The following KCTD3 variants were observed in gnomAD, a reference collection of about 807,000 sequenced individuals.
KCTD3 encodes potassium channel tetramerization domain containing 3.
KCTD3 carries 41 observed loss-of-function variants against 85.8 expected under a neutral mutation model. The observed-to-expected ratio is 0.48, with a 90% CI of 0.37 to 0.62. KCTD3 has a LOEUF of 0.62. Among genes scored for constraint, KCTD3 ranks in the 20% least tolerant of loss-of-function variants. The probability of loss-of-function intolerance (pLI) is 0.00; values close to 1 mark genes in which losing one functional copy is unlikely to be tolerated. For synonymous variants in KCTD3, 338 were observed against 345.4 expected (o/e 0.98, Z 0.24); for missense variants, 724 against 989.9 (o/e 0.73, Z 3.60).
At chr1:215,581,620 T>C (rs1447397235) in intron 8 of KCTD3, among the ~76,000 whole-genome samples, 1 of 152,212 alleles carries the variant, frequency 6.6e-6, no homozygotes, top group Non-Finnish European at 1.5e-5. Flanking sequence ...TTTAACTCAC[T>C]GGGTAATAAT....
chr1:215,570,841 C>G (rs1453191963), intron 1 of KCTD3, among the ~76,000 whole-genome samples: 1 of 152,144 alleles, frequency 6.6e-6, no homozygotes, highest in Admixed American at 6.5e-5. Flanking sequence ...TCTTGGGACA[C>G]TATGGGTATG....
chr1:215,568,050 A>C (rs1374355487), intron 1 of KCTD3, among the ~76,000 whole-genome samples: 3 of 152,224 alleles, frequency 2.0e-5, no homozygotes, highest in African/African-American at 7.2e-5. Context: ...TGCCCCTCCC[A>C]ACAGGCAAGG....
intron 10 of KCTD3, among the ~76,000 whole-genome samples, chr1:215,596,195 A>G (rs1660411025): frequency 6.6e-6 from 1 of 152,170 alleles, no homozygotes; most frequent in Admixed American, 6.5e-5. Context: ...TTCTAGTTTG[A>G]CAATCCAGTA....
At chr1:215,614,933 CAAATGTT>C (rs1025909927) in intron 15 of KCTD3, among the ~76,000 whole-genome samples, 22 of 152,136 alleles carry the variant, frequency 1.4e-4, no homozygotes, top group African/African-American at 5.1e-4. Flanking sequence ...AAGAAACTGC[CAAATGTT>C]ATTAAAACTG....
At chr1:215,576,237 T>A (rs923154504) in intron 4 of KCTD3, among the ~76,000 whole-genome samples, 3 of 151,748 alleles carry the variant, frequency 2.0e-5, no homozygotes, top group Admixed American at 2.0e-4. Flanking sequence ...CCCGGCTGAT[T>A]TTTTGTATTT....
At chr1:215,612,052 C>T (rs1005063598) in intron 15 of KCTD3, 131 bp downstream of exon 15, 2 of 614,280 alleles carry the variant, frequency 3.3e-6, no homozygotes, top group South Asian at 4.6e-5. Context: ...TCTGTTATCT[C>T]ATAATCATAA....
intron 15 of KCTD3, among the ~76,000 whole-genome samples, chr1:215,617,323 A>G (rs1458658618): frequency 1.3e-5 from 2 of 152,222 alleles, no homozygotes; most frequent in African/African-American, 4.8e-5. Context: ...TTAGAAGCAC[A>G]GGCAAAATAA....
intron 4 of KCTD3, among the ~76,000 whole-genome samples, chr1:215,577,154 AT>A (rs202110919): frequency 2.7e-3 from 375 of 137,956 alleles, no homozygotes; most frequent in African/African-American, 1.0e-2. Flanking sequence ...TTTCTATTTT[AT>A]TTGTTCAACA....
rs1430726499 is a variant in KCTD3 at position 215,579,847 on chromosome 1, T to G, written c.536-62T>G. The G allele has an allele frequency of 6.1e-6, 7 of 1,145,620 alleles. No homozygotes were observed. The Admixed American group carries it at 1.2e-4, about 20-fold the overall frequency. The allele number at this position is 1,145,620 out of a possible 1,614,324, so 71.0% of individuals were successfully genotyped here. ...AGGCAGAAGGCTGAAACTGGCCTGG[T>G]GGCTGTAATTTGCCAACCCCCGGTT... On this transcript the variant is annotated intron_variant, in intron 7 of 17. Transcript: ENST00000259154.
rs1571871431 is a variant in KCTD3 at position 215,575,470 on chromosome 1, C to A, written c.184-431C>A. On this transcript the variant is annotated intron_variant, in intron 3 of 17. Coordinates refer to ENST00000259154, the MANE Select transcript of KCTD3 (RefSeq NM_016121.5). ...TGCAGTATTTACTTTTCTCAAGTACCCCTGTGTGCATTATTAAAGTACATT... is the reference window on the plus strand; with the variant it reads ...TGCAGTATTTACTTTTCTCAAGTACACCTGTGTGCATTATTAAAGTACATT... Among the ~76,000 whole-genome samples the A allele has an allele frequency of 1.3e-5, 2 of 152,160 alleles. 1 individual carries two copies. Among genetic ancestry groups the A allele is most frequent in the East Asian group, 3.9e-4 (2 of 5,190 alleles).
At chr1:215,616,914 C>T (rs979076748) in intron 15 of KCTD3, among the ~76,000 whole-genome samples, 1 of 152,178 alleles carries the variant, frequency 6.6e-6, no homozygotes, top group African/African-American at 2.4e-5. Flanking sequence ...TGGCAGGTCA[C>T]CAGAAAGACC....
rs957903557 is a variant in KCTD3 at position 215,577,653 on chromosome 1, C to T, written c.258-17C>T. Reference sequence around the variant, plus strand: ...GTTTCCAGTGTTAGAGAATTTACATCATTTGTTTCTTTGTAGGGGAGTGAG... The same window carrying T: ...GTTTCCAGTGTTAGAGAATTTACATTATTTGTTTCTTTGTAGGGGAGTGAG... On this transcript the variant is annotated splice_polypyrimidine_tract_variant and intron_variant, in intron 4 of 17. Coordinates refer to ENST00000259154, the MANE Select transcript of KCTD3 (RefSeq NM_016121.5). 47 of 1,549,690 alleles carry T rather than the reference C, an allele frequency of 3.0e-5. No homozygotes were observed. Among genetic ancestry groups the T allele is most frequent in the Non-Finnish European group, 4.0e-5 (45 of 1,121,834 alleles).
intron 8 of KCTD3, chr1:215,581,174 A>T: frequency 4.1e-6 from 1 of 244,742 alleles, no homozygotes; most frequent in Non-Finnish European, 8.3e-6. Context: ...TGAACCCAGG[A>T]GGTGGGGGTT....
intron 13 of KCTD3, 146 bp from the exon 14 acceptor site, chr1:215,607,871 G>T (rs1392316324): frequency 1.9e-6 from 1 of 515,640 alleles, no homozygotes; most frequent in Non-Finnish European, 3.2e-6. Context: ...CTTTTGTTAA[G>T]TAGTCACAAA....
At chr1:215,592,764 A>G (rs1032278676) in intron 9 of KCTD3, among the ~76,000 whole-genome samples, 22 of 152,342 alleles carry the variant, frequency 1.4e-4, no homozygotes, top group African/African-American at 5.3e-4. Context: ...TATATCCATG[A>G]TAAAGCTCTC....
Position 215,579,073 on chromosome 1 carries a change from T to G in KCTD3, c.471T>G (p.Gly157=). The G allele has an allele frequency of 1.3e-6, 2 of 1,597,516 alleles. No individual in the cohort carries two copies. Among genetic ancestry groups the G allele is most frequent in the Non-Finnish European group, 1.7e-6 (2 of 1,175,000 alleles). Residue 157 remains glycine, a synonymous_variant, in exon 7 of 18, where the codon GGT becomes GGG. Transcript: ENST00000259154. ...GGAATGGTCTAAATTCTACAGAAGG[T>G]GAAGCCCGGGGAAATGGTACACAGC... ...DSRNGLNSTE[G]EARGNGTQPV...
chr1:215,605,632 A>C (rs1037955244), intron 13 of KCTD3, among the ~76,000 whole-genome samples: 2 of 152,114 alleles, frequency 1.3e-5, no homozygotes, highest in African/African-American at 4.8e-5. Flanking sequence ...TTTAATAGGC[A>C]TCTCAAATTT....
chr1:215,594,519 T>G (rs1346930854), intron 9 of KCTD3, among the ~76,000 whole-genome samples: 1 of 152,156 alleles, frequency 6.6e-6, no homozygotes, highest in Non-Finnish European at 1.5e-5. Flanking sequence ...TATTAACCTT[T>G]AAAAACTCCA....
chr1:215,594,696 C>T (rs1407354330), intron 9 of KCTD3, among the ~76,000 whole-genome samples: 1 of 152,096 alleles, frequency 6.6e-6, no homozygotes, highest in Non-Finnish European at 1.5e-5. Flanking sequence ...AATGTCTTGT[C>T]TTCTCGTGTT....
Sources: gnomAD v4.1 joint callset for allele counts (sites outside exome capture counted in the v4.1 genomes callset) on GRCh38, gnomAD v4.1.1 for gene constraint, MANE v1.5 for transcripts, NCBI Gene and HGNC (gene_info 2026-07-23, HGNC 2026-07-21) for gene names.